Variants in PCDHA2 observed in about 807,000 individuals in gnomAD.
The protein encoded by PCDHA2 is protocadherin alpha 2, also known as protocadherin alpha-2.
A neutral mutation model predicts 66.0 loss-of-function variants in PCDHA2; 58 were observed. That is an observed-to-expected ratio of 0.88 (90% confidence interval 0.71 to 1.09). The LOEUF (loss-of-function observed/expected upper bound fraction) is 1.09, where lower values mean the gene tolerates loss of function less well. PCDHA2 is among the 50% of genes least tolerant of loss of function. PCDHA2 has a pLI of 0.00. For missense variants in PCDHA2, 1,267 were observed against 1,242.3 expected (o/e 1.02, Z -0.30); for synonymous variants, 634 against 554.0 (o/e 1.14, Z -2.03).
intron 1 of PCDHA2, chr5:140,821,891 A>T (rs2150111674): frequency 6.2e-7 from 1 of 1,614,232 alleles, no homozygotes; most frequent in African/African-American, 1.3e-5. Context: ...GAGGAAGCCA[A>T]ACACGGAACC....
intron 1 of PCDHA2, among the ~76,000 whole-genome samples, chr5:140,960,936 T>G (rs1198055000): frequency 6.6e-6 from 1 of 152,210 alleles, no homozygotes. Flanking sequence ...CTAAGTTTAG[T>G]GAATTAGAAA....
intron 1 of PCDHA2, chr5:140,870,192 G>C: frequency 1.9e-6 from 3 of 1,614,158 alleles, no homozygotes; most frequent in Non-Finnish European, 2.5e-6. Context: ...AGGACGCTCA[G>C]CCCAGCACGG....
Position 140,968,771 on chromosome 5 carries a change from T to C in PCDHA2, c.2389-10178T>C, listed in dbSNP as rs144153196. The C allele has an allele frequency of 3.1e-6, 5 of 1,614,024 alleles. No homozygotes were observed. Among genetic ancestry groups the C allele is most frequent in the Non-Finnish European group, 4.2e-6 (5 of 1,180,044 alleles). On this transcript the variant is annotated intron_variant, in intron 1 of 3. Transcript: ENST00000526136. The stretch of plus-strand genomic sequence containing the variant: ...GGTGGTCCGAGATAATGGAGAGCCA[T>C]CACTATCAGCCTCTGTGGCCATTAC...
intron 1 of PCDHA2, chr5:140,876,970 G>T (rs1554169165): frequency 6.2e-7 from 1 of 1,612,850 alleles, no homozygotes; most frequent in East Asian, 2.2e-5. Flanking sequence ...GCGGCGGGTG[G>T]GCGAGCACGC....
In PCDHA2 at chr5:140,953,934, C is replaced by T. The variant is rs2094953906; in HGVS notation, c.2389-25015C>T. 2.6e-5 allele frequency among the ~76,000 whole-genome samples: 4 copies of T among 152,200 alleles called. No homozygotes were observed. The South Asian group carries it at 8.3e-4, about 32-fold the overall frequency. On this transcript the variant is annotated intron_variant, in intron 1 of 3. Transcript: ENST00000526136. ...TTAGGTATTCTTCCTGATGCTCTCC[C>T]TCCCATTGCTCCCCCAACAGGCCCC...
intron 1 of PCDHA2, chr5:140,843,436 C>A (rs2150359840): frequency 1.9e-6 from 3 of 1,596,080 alleles, no homozygotes; most frequent in East Asian, 2.2e-5. Flanking sequence ...TCGCCATCTG[C>A]GCGGTATCCA....
chr5:140,968,029 G>A, intron 1 of PCDHA2: 1 of 1,614,170 alleles, frequency 6.2e-7, no homozygotes, highest in Non-Finnish European at 8.5e-7. Context: ...CCTATACACT[G>A]GTGGTGAGCG....
At chr5:140,882,424 G>C in intron 1 of PCDHA2, 1 of 1,614,114 alleles carries the variant, frequency 6.2e-7, no homozygotes, top group Non-Finnish European at 8.5e-7. Context: ...CTCAGGACCT[G>C]GGGCTGGAGC....
At chr5:140,911,744 C>T (rs758009837) in intron 1 of PCDHA2, among the ~76,000 whole-genome samples, 2 of 151,280 alleles carry the variant, frequency 1.3e-5, no homozygotes, top group Non-Finnish European at 2.9e-5. Flanking sequence ...CAAGGACTAT[C>T]AGTGTTCTCC....
intron 1 of PCDHA2, among the ~76,000 whole-genome samples, chr5:140,900,334 G>A (rs552378783): frequency 4.2e-4 from 64 of 152,060 alleles, no homozygotes; most frequent in East Asian, 1.6e-3. Context: ...CTGGAGTACC[G>A]TGGCGCAATC....
rs782521263 is a variant in PCDHA2, at chr5:140,795,459, T to C, written c.495T>C (p.Asn165=). 3 of 1,614,170 alleles carry C rather than the reference T, an allele frequency of 1.9e-6. No homozygotes were observed. The highest frequency in any genetic ancestry group is 1.1e-5 in the South Asian group (1 of 91,086). Residue 165 remains asparagine (N), a synonymous_variant, in exon 1 of 4, where the codon AAT becomes AAC. Transcript: ENST00000526136. ...EGASDADIGV[N]ALLSYKLSSS... Reference sequence around the variant, plus strand: ...CATCTGATGCAGATATAGGAGTAAATGCTCTTCTCTCCTACAAGCTCAGCT... The same window carrying C: ...CATCTGATGCAGATATAGGAGTAAACGCTCTTCTCTCCTACAAGCTCAGCT...
chr5:140,961,114 A>G (rs2095591473), intron 1 of PCDHA2, among the ~76,000 whole-genome samples: 1 of 152,212 alleles, frequency 6.6e-6, no homozygotes, highest in African/African-American at 2.4e-5. Flanking sequence ...ACCCCCTTGC[A>G]TCTTAATGTC....
chr5:140,884,824 T>A, intron 1 of PCDHA2: 1 of 993,590 alleles, frequency 1.0e-6, no homozygotes, highest in Non-Finnish European at 1.4e-6. Context: ...ACATTATGTG[T>A]TGGATTATCC....
At chr5:140,822,457 T>C in intron 1 of PCDHA2, 2 of 1,613,784 alleles carry the variant, frequency 1.2e-6, no homozygotes, top group Non-Finnish European at 8.5e-7. Flanking sequence ...AGTTCAGTTG[T>C]TGATCAATGT....
At chr5:141,000,079 G>A (rs1233130123) in intron 3 of PCDHA2, among the ~76,000 whole-genome samples, 2 of 152,102 alleles carry the variant, frequency 1.3e-5, no homozygotes, top group Non-Finnish European at 2.9e-5. Flanking sequence ...CACAATGCTA[G>A]GCCTGTGAAT....
intron 1 of PCDHA2, chr5:140,858,194 T>C: frequency 1.9e-6 from 3 of 1,596,986 alleles, no homozygotes; most frequent in Non-Finnish European, 1.7e-6. Context: ...GCTGCTGCTG[T>C]ACACTGCACT....
intron 1 of PCDHA2, chr5:140,884,056 G>T (rs782776341): frequency 6.2e-7 from 1 of 1,613,358 alleles, no homozygotes; most frequent in Non-Finnish European, 8.5e-7. Flanking sequence ...AGGTGCGCGC[G>T]GTGGACGCCG....
In PCDHA2 at chr5:140,950,226, T is replaced by A. The variant is rs1478539445; in HGVS notation, c.2389-28723T>A. ...TGTTTACCTAGTCATTTACCATTTC[T>A]AGTGCCATTAATTTGTTCCTAAAGA... On this transcript the variant is annotated intron_variant, in intron 1 of 3. Coordinates refer to ENST00000526136, the MANE Select transcript of PCDHA2 (RefSeq NM_018905.3). 5.9e-5 allele frequency among the ~76,000 whole-genome samples: 9 copies of A among 152,018 alleles called. No homozygotes were observed. The East Asian group carries it at 1.7e-3, about 29-fold the overall frequency.
chr5:140,822,872 C>A (rs1370566710), intron 1 of PCDHA2: 2 of 1,614,236 alleles, frequency 1.2e-6, no homozygotes, highest in Non-Finnish European at 1.7e-6. Flanking sequence ...CCACTCAGCA[C>A]GGTCATTGCT....
Sources: gnomAD v4.1 joint callset for allele counts (sites outside exome capture counted in the v4.1 genomes callset) on GRCh38, gnomAD v4.1.1 for gene constraint, MANE v1.5 for transcripts, NCBI Gene and HGNC (gene_info 2026-07-23, HGNC 2026-07-21) for gene names.